The following CMIP variants were observed in gnomAD, a reference collection of about 807,000 sequenced individuals.
The protein encoded by CMIP is c-Maf inducing protein.
CMIP carries 13 observed loss-of-function variants against 97.3 expected under a neutral mutation model. That is an observed-to-expected ratio of 0.13 (90% CI 0.09 to 0.21). The LOEUF (loss-of-function observed/expected upper bound fraction) is 0.21, where lower values mean the gene tolerates loss of function less well. Ranked by LOEUF, CMIP falls within the 10% of genes least tolerant of loss-of-function variation. CMIP has a pLI of 1.00. For missense variants in CMIP, 847 were observed against 1,024.9 expected, an observed-to-expected ratio of 0.83 and a Z score of 2.37; for synonymous variants, 538 against 436.3, an observed-to-expected ratio of 1.23 and a Z score of -2.91.
chr16:81,573,005 G>A (rs1054464861), intron 1 of CMIP, among the ~76,000 whole-genome samples: 1 of 152,170 alleles, frequency 6.6e-6, no homozygotes, highest in Admixed American at 6.5e-5. Context: ...AAAATGAAAT[G>A]ACCTCTGGTC....
chr16:81,698,672 T>C (rs1907041693), intron 14 of CMIP, among the ~76,000 whole-genome samples: 1 of 152,142 alleles, frequency 6.6e-6, no homozygotes, highest in Admixed American at 6.5e-5. Context: ...ACTGAAGACA[T>C]TCATGTTGTA....
At chr16:81,644,098 G>A (rs975261682) in intron 3 of CMIP, among the ~76,000 whole-genome samples, 7 of 152,194 alleles carry the variant, frequency 4.6e-5, no homozygotes, top group South Asian at 2.1e-4. Flanking sequence ...TAATGAAAAC[G>A]AACGAAACAT....
chr16:81,472,437 C>A (rs1244807888), intron 1 of CMIP, among the ~76,000 whole-genome samples: 2 of 152,204 alleles, frequency 1.3e-5, no homozygotes, highest in Non-Finnish European at 2.9e-5. Context: ...GTGTGGCGTG[C>A]CCCATGCGTG....
intron 1 of CMIP, among the ~76,000 whole-genome samples, chr16:81,446,865 G>A (rs1358371558): frequency 7.6e-6 from 1 of 132,096 alleles, no homozygotes; most frequent in Non-Finnish European, 1.5e-5. Flanking sequence ...CCACCCCAGA[G>A]CGTTGCAGCC....
intron 1 of CMIP, among the ~76,000 whole-genome samples, chr16:81,447,705 C>G (rs1461505454): frequency 3.9e-5 from 6 of 152,238 alleles, no homozygotes. Flanking sequence ...AATCCCCTTT[C>G]CGCTGCCTTT....
intron 1 of CMIP, chr16:81,464,066 A>G (rs1427199092): frequency 6.6e-6 from 1 of 152,282 alleles, no homozygotes; most frequent in Non-Finnish European, 1.5e-5. Context: ...AGCTCAGGGA[A>G]GAAGCTAGGG....
intron 11 of CMIP, among the ~76,000 whole-genome samples, chr16:81,692,723 T>C (rs1906237840): frequency 6.6e-6 from 1 of 152,164 alleles, no homozygotes. Flanking sequence ...CCCGTCCCCA[T>C]AGGCCTGGGC....
chr16:81,678,565 G>A lies in CMIP; in HGVS notation c.1325G>A (p.Ser442Asn), dbSNP rs765318438. 6.2e-7 allele frequency: 1 copy of A among 1,608,220 alleles called. No homozygotes were observed. The highest frequency in any genetic ancestry group is 8.5e-7 in the Non-Finnish European group (1 of 1,178,164). Residue 442 changes from serine (S) to asparagine (N), a missense_variant, in exon 10 of 21, where the codon AGC becomes AAC. Coordinates refer to ENST00000537098, the MANE Select transcript of CMIP (RefSeq NM_198390.3). Reference sequence around the variant, plus strand: ...GTCAGCCCCGCCTGCAGCACCATGAGCATCGAGCTGGGCCCCCAGGCCGAC... The same window carrying A: ...GTCAGCCCCGCCTGCAGCACCATGAACATCGAGCTGGGCCCCCAGGCCGAC... Reference protein sequence around the residue: ...LMVSPACSTMSIELGPQADRT... With the variant: ...LMVSPACSTMNIELGPQADRT...
rs200513793 is a variant in CMIP at position 81,462,504 on chromosome 16, T to TA, written c.300+16974dup. 6.0e-3 allele frequency among the ~76,000 whole-genome samples: 901 copies of TA among 149,084 alleles called. 5 individuals carry two copies. Among genetic ancestry groups the TA allele is most frequent in the Middle Eastern group, 0.031 (9 of 286 alleles). The stretch of plus-strand genomic sequence containing the variant: ...TGCACAGAAATAAACATGTAAGTGA[T>TA]AAAAAAAAAAATGTTTCATTAAGTA... On this transcript the variant is annotated intron_variant, in intron 1 of 20. Coordinates refer to ENST00000537098, the MANE Select transcript of CMIP (RefSeq NM_198390.3).
At chr16:81,643,871 A>G (rs775786275) in intron 3 of CMIP, among the ~76,000 whole-genome samples, 18 of 152,146 alleles carry the variant, frequency 1.2e-4, no homozygotes, top group Admixed American at 5.2e-4. Flanking sequence ...ATCTATATGT[A>G]TGTGTATATA....
intron 1 of CMIP, among the ~76,000 whole-genome samples, chr16:81,574,825 G>A (rs1258878737): frequency 1.3e-5 from 2 of 152,216 alleles, no homozygotes; most frequent in Non-Finnish European, 2.9e-5. Context: ...TCAGCTGACT[G>A]TCAGAGCAGA....
chr16:81,447,535 T>A (rs1007650417), intron 1 of CMIP, among the ~76,000 whole-genome samples: 38 of 152,136 alleles, frequency 2.5e-4, no homozygotes, highest in African/African-American at 8.9e-4. Context: ...CCAGCCCAGG[T>A]AGGTGGCACC....
intron 3 of CMIP, among the ~76,000 whole-genome samples, chr16:81,647,198 G>A (rs2092373446): frequency 6.6e-6 from 1 of 152,152 alleles, no homozygotes; most frequent in Admixed American, 6.5e-5. Flanking sequence ...GCGTTTTCCC[G>A]AGGGCTAATG....
chr16:81,507,764 G>C (rs991148216), intron 1 of CMIP, among the ~76,000 whole-genome samples: 2 of 152,154 alleles, frequency 1.3e-5, no homozygotes, highest in East Asian at 3.8e-4. Context: ...CTCCTGGTTG[G>C]GGTGGCCGCA....
chr16:81,651,265 A>C, intron 3 of CMIP: 1 of 174,920 alleles, frequency 5.7e-6, no homozygotes, highest in Non-Finnish European at 1.1e-5. Flanking sequence ...CAAAGGCGGG[A>C]GCCCGGGCGG....
Position 81,621,776 on chromosome 16 carries a change from G to A in CMIP, c.477+850G>A, listed in dbSNP as rs1234369948. On this transcript the variant is annotated intron_variant, in intron 3 of 20. Transcript: ENST00000537098. The surrounding 1 kb of genome is among the most constrained non-coding windows in gnomAD (Gnocchi z 4.1). Reference sequence around the variant, plus strand: ...TGCAGAGCTGGGTGCCATGTCACGTGTTGGGAGGACCCAGGGAACACTCAG... The same window carrying A: ...TGCAGAGCTGGGTGCCATGTCACGTATTGGGAGGACCCAGGGAACACTCAG... 6.6e-6 allele frequency: 1 copy of A among 152,664 alleles called. No individual in the cohort carries two copies. 9.5% of individuals were successfully genotyped at this position (152,664 alleles called of 1,614,324 possible). A position where few individuals can be genotyped will look rare whatever the true frequency, so the allele number is the denominator to read the frequency against.
chr16:81,703,108 T>C (rs1907605170), intron 17 of CMIP, among the ~76,000 whole-genome samples: 1 of 152,154 alleles, frequency 6.6e-6, no homozygotes, highest in South Asian at 2.1e-4. Flanking sequence ...TGGCTTCTAC[T>C]TCCTGGACCA....
chr16:81,696,514 C>T, intron 13 of CMIP, 46 bp from the exon 14 acceptor site: 2 of 1,563,332 alleles, frequency 1.3e-6, no homozygotes, highest in Middle Eastern at 3.3e-4. Flanking sequence ...GCCCTTGTCA[C>T]CGGGGCTGCA....
intron 1 of CMIP, among the ~76,000 whole-genome samples, chr16:81,550,142 G>GT (rs201524580): frequency 0.014 from 2,068 of 152,314 alleles, 49 homozygotes; most frequent in African/African-American, 0.047. Flanking sequence ...CATGCCCTCG[G>GT]TAGCACTCCT....
Sources: gnomAD v4.1 joint callset for allele counts (sites outside exome capture counted in the v4.1 genomes callset) on GRCh38, gnomAD v4.1.1 for gene constraint, Gnocchi (gnomAD v3.1) non-coding constraint, MANE v1.5 for transcripts, NCBI Gene and HGNC (gene_info 2026-07-23, HGNC 2026-07-21) for gene names.